Variants in SAMMSON observed in about 807,000 individuals in gnomAD.
SAMMSON encodes survival associated mitochondrial melanoma specific oncogenic non-coding RNA, also known as long intergenic non-protein coding RNA 1212.
At chr3:70,127,151 T>G (rs1306709290) in intron 4 of SAMMSON, 1 of 152,250 alleles carries the variant, frequency 6.6e-6, no homozygotes, top group Non-Finnish European at 1.5e-5. Flanking sequence ...TGGGCTTCTA[T>G]GTTTCAGAGA....
chr3:70,313,566 T>A (rs1439777066), intron 7 of SAMMSON, among the ~76,000 whole-genome samples: 4 of 152,024 alleles, frequency 2.6e-5, no homozygotes. Context: ...TGGGTACACA[T>A]CATGATGAAT....
intron 6 of SAMMSON, among the ~76,000 whole-genome samples, chr3:70,281,356 T>G (rs1462474476): frequency 1.3e-5 from 2 of 152,206 alleles, no homozygotes; most frequent in African/African-American, 4.8e-5. Flanking sequence ...CTTCATTATT[T>G]GACTCTCCTC....
chr3:70,078,648 A>G (rs1304669160), intron 4 of SAMMSON, among the ~76,000 whole-genome samples: 1 of 152,074 alleles, frequency 6.6e-6, no homozygotes, highest in Non-Finnish European at 1.5e-5. Flanking sequence ...CTTTCTGCCC[A>G]AGTCCTTTAC....
At chr3:70,023,949 T>A (rs1249875691) in intron 3 of SAMMSON, among the ~76,000 whole-genome samples, 1 of 152,160 alleles carries the variant, frequency 6.6e-6, no homozygotes, top group Non-Finnish European at 1.5e-5. Context: ...GCCCACAGTT[T>A]TTCCTTCTGC....
intron 4 of SAMMSON, among the ~76,000 whole-genome samples, chr3:70,104,140 T>C (rs1170864929): frequency 6.6e-6 from 1 of 152,122 alleles, no homozygotes; most frequent in Non-Finnish European, 1.5e-5. Flanking sequence ...TTGTATGATG[T>C]TAAGCTGGGA....
intron 4 of SAMMSON, chr3:70,206,745 T>C (rs1256171798): frequency 1.0e-5 from 4 of 397,742 alleles, no homozygotes; most frequent in Non-Finnish European, 1.8e-5. Flanking sequence ...AACAATAGCA[T>C]TAATGGGTTT....
chr3:70,208,940 C>T (rs1701315749), intron 4 of SAMMSON, among the ~76,000 whole-genome samples: 1 of 152,034 alleles, frequency 6.6e-6, no homozygotes, highest in South Asian at 2.1e-4. Flanking sequence ...TTCAAGAAAA[C>T]ATCTGTCGTT....
chr3:70,016,021 C>T (rs1164328844), intron 3 of SAMMSON, among the ~76,000 whole-genome samples: 2 of 152,172 alleles, frequency 1.3e-5, no homozygotes, highest in African/African-American at 4.8e-5. Flanking sequence ...CCGCAATAAA[C>T]ATACATGTGC....
chr3:70,340,507 G>A (rs1006562246), intron 7 of SAMMSON, among the ~76,000 whole-genome samples: 14 of 152,084 alleles, frequency 9.2e-5, no homozygotes, highest in Admixed American at 1.3e-4. Context: ...GATAAGAGTA[G>A]TTCACTGTAC....
At chr3:70,395,198 T>A (rs1454953875) in intron 2 of SAMMSON, among the ~76,000 whole-genome samples, 2 of 152,154 alleles carry the variant, frequency 1.3e-5, no homozygotes, top group African/African-American at 4.8e-5. Flanking sequence ...GCCTCTCTAA[T>A]CCTGCCAAAG....
chr3:70,138,576 G>A (rs114555145), intron 4 of SAMMSON, among the ~76,000 whole-genome samples: 1,537 of 152,272 alleles, frequency 0.01, 13 homozygotes, highest in South Asian at 0.033. Flanking sequence ...ATCATGGGGG[G>A]ACATAAACAT....
chr3:70,406,594 T>C (rs537950652), intron 2 of SAMMSON, among the ~76,000 whole-genome samples: 1 of 152,296 alleles, frequency 6.6e-6, no homozygotes, highest in South Asian at 2.1e-4. Context: ...CAAAGGATGA[T>C]AGAAGAGAAA....
chr3:70,428,762 G>A (rs1701391213), intron 2 of SAMMSON, among the ~76,000 whole-genome samples: 1 of 152,114 alleles, frequency 6.6e-6, no homozygotes, highest in South Asian at 2.1e-4. Context: ...GTTTATTTGT[G>A]TACTTGATTG....
At chr3:70,245,435 C>T (rs985904126) in intron 4 of SAMMSON, among the ~76,000 whole-genome samples, 1 of 151,396 alleles carries the variant, frequency 6.6e-6, no homozygotes, top group African/African-American at 2.4e-5. Flanking sequence ...AAATCACAAA[C>T]TTGACTTTGA....
chr3:70,312,845 A>G (rs1702467048), intron 7 of SAMMSON: 1 of 152,124 alleles, frequency 6.6e-6, no homozygotes, highest in African/African-American at 2.4e-5. Flanking sequence ...ATAGGAAAAA[A>G]ATAATGAACT....
intron 9 of SAMMSON, among the ~76,000 whole-genome samples, chr3:70,386,880 T>C (rs1462708950): frequency 6.6e-6 from 1 of 152,068 alleles, no homozygotes; most frequent in East Asian, 1.9e-4. Context: ...GCAGTTGATT[T>C]CTCTGTTGGG....
chr3:70,335,881 G>C (rs188393620), intron 7 of SAMMSON, among the ~76,000 whole-genome samples: 21 of 151,942 alleles, frequency 1.4e-4, no homozygotes, highest in Admixed American at 9.2e-4. Context: ...CCATTATGCT[G>C]TTATAGCTGT....
intron 4 of SAMMSON, among the ~76,000 whole-genome samples, chr3:70,219,598 A>G (rs2106735692): frequency 6.6e-6 from 1 of 152,326 alleles, no homozygotes; most frequent in Middle Eastern, 3.4e-3. Flanking sequence ...AATTGGGATG[A>G]AAAACCAACA....
At chr3:70,062,491 A>G (rs1010747474) in intron 3 of SAMMSON, among the ~76,000 whole-genome samples, 1 of 152,022 alleles carries the variant, frequency 6.6e-6, no homozygotes, top group Non-Finnish European at 1.5e-5. Flanking sequence ...TCACTGTTCT[A>G]TCCTCAGGCC....
Sources: allele counts gnomAD v4.1 joint callset (sites outside exome capture counted in the v4.1 genomes callset), GRCh38; gene constraint gnomAD v4.1.1; transcripts MANE v1.5; gene names NCBI Gene and HGNC (gene_info 2026-07-23, HGNC 2026-07-21).